Variants in CEP112 observed in about 807,000 individuals in gnomAD.
The protein encoded by CEP112 is centrosomal protein of 112 kDa.
In CEP112, 127 loss-of-function variants were observed where a neutral mutation model predicts 153.0. That is an observed-to-expected ratio of 0.83 (90% CI 0.72 to 0.96). The LOEUF is 0.96. Ranked by LOEUF, CEP112 falls within the 40% of genes least tolerant of loss-of-function variation. CEP112 has a pLI of 0.00. For missense variants in CEP112, 1,089 were observed against 1,101.2 expected, an observed-to-expected ratio of 0.99 and a Z score of 0.16; for synonymous variants, 358 against 374.4, an observed-to-expected ratio of 0.96 and a Z score of 0.51.
At chr17:65,787,156 C>T (rs534046983) in intron 21 of CEP112, among the ~76,000 whole-genome samples, 214 of 152,260 alleles carry the variant, frequency 1.4e-3, no homozygotes, top group Non-Finnish European at 2.0e-3. Flanking sequence ...ATACTTTTGA[C>T]TTTTTCTTTT....
chr17:65,686,034 A>G (rs759636851), intron 24 of CEP112, among the ~76,000 whole-genome samples: 1 of 151,982 alleles, frequency 6.6e-6, no homozygotes, highest in Non-Finnish European at 1.5e-5. Flanking sequence ...AAATTTAGAT[A>G]AAAGATTAAG....
chr17:65,983,017 T>A (rs921865429), intron 17 of CEP112, among the ~76,000 whole-genome samples: 3 of 152,186 alleles, frequency 2.0e-5, no homozygotes, highest in Middle Eastern at 3.4e-3. Context: ...GAAAGATAAA[T>A]CCCTAGAGAC....
At chr17:66,006,356 C>T (rs967698809) in intron 16 of CEP112, among the ~76,000 whole-genome samples, 2 of 152,070 alleles carry the variant, frequency 1.3e-5, no homozygotes, top group Non-Finnish European at 2.9e-5. Context: ...ATCTATAATC[C>T]CAGCACTTTG....
chr17:66,166,590 G>A (rs1469945249), intron 4 of CEP112, among the ~76,000 whole-genome samples: 1 of 151,976 alleles, frequency 6.6e-6, no homozygotes, highest in East Asian at 1.9e-4. Flanking sequence ...TAGATGATGT[G>A]AACTAAAATC....
At chr17:66,142,325 T>A (rs1271541614) in intron 4 of CEP112, among the ~76,000 whole-genome samples, 1 of 152,200 alleles carries the variant, frequency 6.6e-6, no homozygotes, top group East Asian at 1.9e-4. Flanking sequence ...ACTCTGTTGA[T>A]TGTTTGCTGT....
chr17:66,064,273 C>T (rs927900600), intron 10 of CEP112, among the ~76,000 whole-genome samples: 43 of 152,154 alleles, frequency 2.8e-4, no homozygotes, highest in Non-Finnish European at 4.0e-4. Context: ...AAAGGAACCC[C>T]TCCTTTCAAT....
At chr17:65,782,749 G>T (rs1302739609) in intron 21 of CEP112, among the ~76,000 whole-genome samples, 1 of 152,104 alleles carries the variant, frequency 6.6e-6, no homozygotes, top group African/African-American at 2.4e-5. Context: ...TCACTTATAA[G>T]TGGGAGCTAA....
intron 24 of CEP112, among the ~76,000 whole-genome samples, chr17:65,653,258 T>C (rs1472742421): frequency 6.6e-6 from 1 of 152,252 alleles, no homozygotes; most frequent in East Asian, 1.9e-4. Context: ...ATTGCTTTAT[T>C]GTAAATGACT....
intron 4 of CEP112, among the ~76,000 whole-genome samples, chr17:66,142,455 G>A (rs1206384225): frequency 2.0e-5 from 3 of 152,060 alleles, no homozygotes; most frequent in Admixed American, 6.5e-5. Context: ...TTCCCCCTAC[G>A]TTTTCTTCTA....
intron 17 of CEP112, among the ~76,000 whole-genome samples, chr17:65,970,596 T>C (rs2062695359): frequency 6.6e-6 from 1 of 152,086 alleles, no homozygotes; most frequent in Non-Finnish European, 1.5e-5. Context: ...TTTTATATAT[T>C]ACCTGTATAT....
chr17:65,901,874 A>G (rs918961443), intron 20 of CEP112, among the ~76,000 whole-genome samples: 1 of 150,716 alleles, frequency 6.6e-6, no homozygotes, highest in Non-Finnish European at 1.5e-5. Flanking sequence ...TCCATCATGA[A>G]AGGAACTGAG....
At chr17:65,690,113 C>CAAAAAAAAAAAAAAAAAAAA (rs67399289) in intron 23 of CEP112, among the ~76,000 whole-genome samples, 2 of 62,584 alleles carry the variant, frequency 3.2e-5, no homozygotes, top group Non-Finnish European at 5.9e-5. Context: ...GAAAACAGAC[C>CAAAAAAAAAAAAAAAAAAAA]AAAAAAAAAA....
At chr17:65,693,214 G>A (rs1171048184) in intron 23 of CEP112, among the ~76,000 whole-genome samples, 1 of 152,018 alleles carries the variant, frequency 6.6e-6, no homozygotes, top group Non-Finnish European at 1.5e-5. Context: ...AGAACCCTGA[G>A]AGTGCTACAC....
intron 23 of CEP112, among the ~76,000 whole-genome samples, chr17:65,740,884 T>C (rs1027406783): frequency 6.6e-6 from 1 of 152,200 alleles, no homozygotes; most frequent in Admixed American, 6.5e-5. Context: ...TGCAAAAATG[T>C]TATATCATTC....
chr17:66,142,321 T>C lies in CEP112; in HGVS notation c.471-9558A>G, dbSNP rs550698895. Among the ~76,000 whole-genome samples the C allele has an allele frequency of 1.1e-4, 17 of 152,316 alleles. No homozygotes were observed. The South Asian group carries it at 3.5e-3, about 32-fold the overall frequency. On this transcript the variant is annotated intron_variant, in intron 4 of 26. Transcript: ENST00000535342. ...TTCTGTAGCTTGTCTCTTCACTCTG[T>C]TGATTGTTTGCTGTGCAGGAGATTT...
intron 6 of CEP112, among the ~76,000 whole-genome samples, chr17:66,103,107 C>T (rs1177523365): frequency 6.6e-6 from 1 of 152,040 alleles, no homozygotes; most frequent in Admixed American, 6.5e-5. Flanking sequence ...CGCCTGTAAT[C>T]CCAGCTACTC....
At chr17:66,123,910 T>C (rs2069718306) in intron 6 of CEP112, among the ~76,000 whole-genome samples, 1 of 152,228 alleles carries the variant, frequency 6.6e-6, no homozygotes, top group African/African-American at 2.4e-5. Context: ...ATCATTATAA[T>C]TATATTGTAA....
chr17:65,708,976 C>G (rs565989728), intron 23 of CEP112, among the ~76,000 whole-genome samples: 11 of 152,240 alleles, frequency 7.2e-5, no homozygotes, highest in African/African-American at 1.2e-4. Flanking sequence ...ATATTCTGTT[C>G]TCCTCTGGGA....
chr17:65,679,129 CTTTTTTTTTTTTTTTTT>C (rs57907674), intron 24 of CEP112, among the ~76,000 whole-genome samples: 395 of 31,552 alleles, frequency 0.013, no homozygotes, highest in Non-Finnish European at 0.017. Context: ...GTGGTTCAAG[CTTTTTTTTTTTTTTTTT>C]TTTTTTTTTT....
Sources: gnomAD v4.1 joint callset for allele counts (sites outside exome capture counted in the v4.1 genomes callset) on GRCh38, gnomAD v4.1.1 for gene constraint, MANE v1.5 for transcripts, NCBI Gene and HGNC (gene_info 2026-07-23, HGNC 2026-07-21) for gene names.